The following SLC12A2 variants were observed in gnomAD, a reference collection of about 807,000 sequenced individuals.
The protein encoded by SLC12A2 is Na-K-2Cl cotransporter 1.
A neutral mutation model predicts 136.3 loss-of-function variants in SLC12A2; 67 were observed. The observed-to-expected ratio is 0.49, with a 90% confidence interval of 0.40 to 0.60. The LOEUF is 0.60. Among genes scored for constraint, SLC12A2 ranks in the 20% least tolerant of loss-of-function variants. The pLI, the probability that SLC12A2 is intolerant of heterozygous loss-of-function variation, is 0.00. For synonymous variants in SLC12A2, 619 were observed against 562.9 expected, an observed-to-expected ratio of 1.10 and a Z score of -1.41; for missense variants, 1,322 against 1,534.7, an observed-to-expected ratio of 0.86 and a Z score of 2.32.
chr5:128,160,194 C>G (rs1202170394), intron 16 of SLC12A2, among the ~76,000 whole-genome samples: 1 of 151,912 alleles, frequency 6.6e-6, no homozygotes, highest in Non-Finnish European at 1.5e-5. Context: ...ACAATGAGAA[C>G]ACACGGACAC....
intron 15 of SLC12A2, among the ~76,000 whole-genome samples, chr5:128,154,124 A>T (rs1762799065): frequency 6.6e-6 from 1 of 152,014 alleles, no homozygotes; most frequent in Non-Finnish European, 1.5e-5. Flanking sequence ...ATTAAAAAAA[A>T]TTTATTTTTG....
At position 128,135,767 on chromosome 5, in the gene SLC12A2, C is replaced by T. The variant is rs772866879; in HGVS notation, c.1367C>T (p.Pro456Leu). 6.2e-7 allele frequency: 1 copy of T among 1,611,844 alleles called. No individual in the cohort carries two copies. Among genetic ancestry groups the T allele is most frequent in the Admixed American group, 1.7e-5 (1 of 59,988 alleles). The change falls in exon 7 of 27, where the codon CCA (proline) becomes CTA (leucine). Residue 456 changes from proline (P) to leucine (L), a missense_variant. Pro to Leu is a moderately conservative substitution (Grantham distance 98, BLOSUM62 -3). Around this residue, in one of 8 missense-constraint regions of SLC12A2, gnomAD observed 110 missense variants for 114.5 expected, o/e 0.96. Transcript: ENST00000262461. ...IGDFVIGTFI[P>L]LESKKPKGFF... ...GATTTCGTCATAGGAACATTTATCC[C>T]ACTGGAGAGCAAGAAGCCAAAAGGG...
intron 5 of SLC12A2, among the ~76,000 whole-genome samples, chr5:128,131,879 C>G (rs1375776928): frequency 6.6e-6 from 1 of 152,058 alleles, no homozygotes; most frequent in African/African-American, 2.4e-5. Context: ...GTGGCGCATG[C>G]CTGTAATCCC....
chr5:128,172,036 A>G (rs1171610127), intron 19 of SLC12A2, among the ~76,000 whole-genome samples: 5 of 152,178 alleles, frequency 3.3e-5, no homozygotes, highest in Admixed American at 6.5e-5. Flanking sequence ...TGGCCAACAG[A>G]CAAACCTAAG....
chr5:128,179,731 C>T (rs1763642886), intron 22 of SLC12A2, among the ~76,000 whole-genome samples: 1 of 152,078 alleles, frequency 6.6e-6, no homozygotes. Context: ...CCTTGAGGGA[C>T]TGACCCCCAT....
chr5:128,154,721 T>C (rs1762818918), intron 15 of SLC12A2, among the ~76,000 whole-genome samples: 1 of 152,158 alleles, frequency 6.6e-6, no homozygotes, highest in Non-Finnish European at 1.5e-5. Context: ...CACCTTTTTG[T>C]TGTTGTTCAT....
At chr5:128,153,863 G>C (rs1002715941) in intron 15 of SLC12A2, among the ~76,000 whole-genome samples, 4 of 151,960 alleles carry the variant, frequency 2.6e-5, no homozygotes, top group African/African-American at 7.3e-5. Context: ...GAGACCACAC[G>C]CAGGTCTTCA....
chr5:128,154,050 G>A (rs568057026), intron 15 of SLC12A2, among the ~76,000 whole-genome samples: 21 of 139,468 alleles, frequency 1.5e-4, no homozygotes, highest in South Asian at 2.3e-4. Context: ...TTTATTTGCC[G>A]TCAATTAAAA....
rs1763484385 is a variant in SLC12A2 at position 128,174,591 on chromosome 5, G to GT, written c.2855dup (p.Ser953LysfsTer5). 1.2e-6 allele frequency: 2 copies of GT among 1,608,994 alleles called. No individual in the cohort carries two copies. Among genetic ancestry groups the GT allele is most frequent in the Non-Finnish European group, 8.5e-7 (1 of 1,176,876 alleles). On this transcript the variant is annotated frameshift_variant, in exon 20 of 27. Coordinates refer to ENST00000262461, the MANE Select transcript of SLC12A2 (RefSeq NM_001046.3). LOFTEE classifies it high-confidence loss of function. ...ATCTCCTGGCACCAAGGATGTGGTA[G>GT]TAAGTGTGGAATATAGTAAAAAGTC...
chr5:128,159,558 GA>G (rs954876902), intron 16 of SLC12A2, among the ~76,000 whole-genome samples: 3 of 151,928 alleles, frequency 2.0e-5, no homozygotes, highest in African/African-American at 7.3e-5. Flanking sequence ...AAATTTACAA[GA>G]AAAAAACCAC....
intron 1 of SLC12A2, among the ~76,000 whole-genome samples, chr5:128,104,475 A>G (rs1182597895): frequency 6.6e-6 from 1 of 152,046 alleles, no homozygotes; most frequent in Non-Finnish European, 1.5e-5. Flanking sequence ...TGTACTAAAA[A>G]TACAAAATTA....
chr5:128,105,076 A>G (rs1477668985), intron 1 of SLC12A2, among the ~76,000 whole-genome samples: 2 of 152,236 alleles, frequency 1.3e-5, no homozygotes, highest in Non-Finnish European at 2.9e-5. Flanking sequence ...TTAAAACTAG[A>G]TCCAAAAAGA....
chr5:128,101,158 AT>A (rs1455761358), intron 1 of SLC12A2, among the ~76,000 whole-genome samples: 5 of 152,194 alleles, frequency 3.3e-5, no homozygotes, highest in South Asian at 4.1e-4. Flanking sequence ...TATGGGGAGC[AT>A]TACACTGAAT....
chr5:128,118,620 G>A (rs186612611), intron 4 of SLC12A2, among the ~76,000 whole-genome samples: 3 of 152,244 alleles, frequency 2.0e-5, no homozygotes, highest in African/African-American at 4.8e-5. Context: ...CACACATTGG[G>A]TATAGTGTAT....
intron 4 of SLC12A2, among the ~76,000 whole-genome samples, chr5:128,126,960 A>AT (rs1561673526): frequency 1.1e-4 from 3 of 26,390 alleles, no homozygotes; most frequent in Non-Finnish European, 1.3e-4. Context: ...ATATATATAT[A>AT]TATATATTTT....
rs756791927 is a variant in SLC12A2 at position 128,167,846 on chromosome 5, A to C, written c.2702A>C (p.Asp901Ala). The C allele has an allele frequency of 6.3e-7, 1 of 1,585,008 alleles. No individual in the cohort carries two copies. Among genetic ancestry groups the C allele is most frequent in the Admixed American group, 1.7e-5 (1 of 57,704 alleles). ...TTGCAAGCAGATATGAGGGATGTGGATATGTATATAAACTTATTTCAGTAA... is the reference window on the plus strand; with the variant it reads ...TTGCAAGCAGATATGAGGGATGTGGCTATGTATATAAACTTATTTCAGTAA... ...DWLQADMRDV[D>A]MYINLFHDAF... The change falls in exon 18 of 27, where the codon GAT becomes GCT. Residue 901 changes from aspartate (D) to alanine (A), a missense_variant. Asp to Ala is a moderately radical substitution (Grantham distance 126). Coordinates refer to ENST00000262461, the MANE Select transcript of SLC12A2 (RefSeq NM_001046.3).
At chr5:128,125,359 A>G (rs930850228) in intron 4 of SLC12A2, among the ~76,000 whole-genome samples, 5 of 152,174 alleles carry the variant, frequency 3.3e-5, no homozygotes, top group African/African-American at 1.2e-4. Flanking sequence ...AAGTGTATGG[A>G]GAGAGTGGTA....
At chr5:128,103,993 A>G (rs568014139) in intron 1 of SLC12A2, among the ~76,000 whole-genome samples, 18 of 152,342 alleles carry the variant, frequency 1.2e-4, no homozygotes, top group African/African-American at 3.8e-4. Context: ...AAAATTTACT[A>G]TGTGTGGTAA....
chr5:128,090,741 G>GTT (rs1760280573), intron 1 of SLC12A2, among the ~76,000 whole-genome samples: 1 of 152,176 alleles, frequency 6.6e-6, no homozygotes, highest in South Asian at 2.1e-4. Flanking sequence ...AGATACCAGG[G>GTT]AAAGAACACT....
Sources: gnomAD v4.1 joint callset for allele counts (sites outside exome capture counted in the v4.1 genomes callset) on GRCh38, gnomAD v4.1.1 for gene constraint, gnomAD v4.1.1 regional missense constraint, MANE v1.5 for transcripts, NCBI Gene and HGNC (gene_info 2026-07-23, HGNC 2026-07-21) for gene names.